The following GPD2 variants were observed in gnomAD, a reference collection of about 807,000 sequenced individuals.
GPD2 encodes glycerol-3-phosphate dehydrogenase, mitochondrial.
A neutral mutation model predicts 82.4 loss-of-function variants in GPD2; 54 were observed. That is an observed-to-expected ratio of 0.66 (90% CI 0.53 to 0.82). The LOEUF (loss-of-function observed/expected upper bound fraction) is 0.82. Ranked by LOEUF, GPD2 falls within the 40% of genes least tolerant of loss-of-function variation. The pLI is 0.00. For synonymous variants in GPD2, 288 were observed against 306.1 expected (o/e 0.94, Z 0.62); for missense variants, 748 against 896.2 (o/e 0.83, Z 2.11).
intron 2 of GPD2, among the ~76,000 whole-genome samples, chr2:156,485,159 C>T (rs1683893314): frequency 6.6e-6 from 1 of 152,166 alleles, no homozygotes; most frequent in South Asian, 2.1e-4. Flanking sequence ...CTTTATTCAT[C>T]CATCTGTTTA....
intron 6 of GPD2, among the ~76,000 whole-genome samples, chr2:156,529,711 CTTGT>C (rs2105303120): frequency 6.6e-6 from 1 of 150,936 alleles, no homozygotes; most frequent in South Asian, 2.1e-4. Flanking sequence ...TTCCCCATTG[CTTGT>C]TTTTCTCAGG....
intron 1 of GPD2, among the ~76,000 whole-genome samples, chr2:156,458,132 C>G (rs929889143): frequency 1.3e-5 from 2 of 152,132 alleles, no homozygotes; most frequent in African/African-American, 4.8e-5. Flanking sequence ...ATAGGAGTAG[C>G]TGTGTTCCTG....
intron 1 of GPD2, among the ~76,000 whole-genome samples, chr2:156,458,912 TC>T (rs1171247855): frequency 6.6e-6 from 1 of 152,144 alleles, no homozygotes; most frequent in Non-Finnish European, 1.5e-5. Context: ...ATACTACCAT[TC>T]AAAGATGAGA....
Position 156,582,862 on chromosome 2 carries a change from G to A in GPD2, c.2128G>A (p.Glu710Lys), listed in dbSNP as rs1451618331. 6.2e-7 allele frequency: 1 copy of A among 1,613,268 alleles called. No individual in the cohort carries two copies. Among genetic ancestry groups the A allele is most frequent in the East Asian group, 2.2e-5 (1 of 44,848 alleles). ...TGCTATACTAATGAAAACTGCAGAAGAGAACCTCGACAGAAGAGTTCCAAT... is the reference window on the plus strand; with the variant it reads ...TGCTATACTAATGAAAACTGCAGAAAAGAACCTCGACAGAAGAGTTCCAAT... ...RLAILMKTAE[E>K]NLDRRVPIPV... Residue 710 changes from glutamate to lysine, a missense_variant, in exon 17 of 17, where the codon GAG becomes AAG. Transcript: ENST00000438166.
chr2:156,580,117 TC>T (rs1687976992), intron 16 of GPD2, among the ~76,000 whole-genome samples: 1 of 152,206 alleles, frequency 6.6e-6, no homozygotes, highest in South Asian at 2.1e-4. Flanking sequence ...TGGACCTTTT[TC>T]TTTTGCTTAC....
rs114091557 is a variant in GPD2 at position 156,560,581 on chromosome 2, A to G, written c.1165+2999A>G. Reference sequence around the variant, plus strand: ...TTTCTACTTATAAACTTACTCTTCAAAAAATAGTTAACAGTGATTCTTTAT... The same window carrying G: ...TTTCTACTTATAAACTTACTCTTCAGAAAATAGTTAACAGTGATTCTTTAT... On this transcript the variant is annotated intron_variant, in intron 9 of 16. Coordinates refer to ENST00000438166, the MANE Select transcript of GPD2 (RefSeq NM_000408.5). Among the ~76,000 whole-genome samples the G allele has an allele frequency of 9.7e-3, 1,474 of 152,296 alleles. 26 individuals carry two copies. The highest frequency in any genetic ancestry group is 0.033 in the African/African-American group (1,377 of 41,560).
Position 156,476,179 on chromosome 2 carries a change from C to T in GPD2, c.74C>T (p.Ser25Phe), listed in dbSNP as rs1365013094. The T allele has an allele frequency of 1.2e-6, 2 of 1,601,530 alleles. No homozygotes were observed. The highest frequency in any genetic ancestry group is 2.2e-5 in the South Asian group (2 of 90,812). Reference sequence around the variant, plus strand: ...GCTCTTGCAACTGTTTTAGGACTTTCTCAGTTTGCTCATTACAGAAGGAAA... The same window carrying T: ...GCTCTTGCAACTGTTTTAGGACTTTTTCAGTTTGCTCATTACAGAAGGAAA... ...GGALATVLGL[S>F]QFAHYRRKQM... The change falls in exon 2 of 17, where the codon TCT (serine) becomes TTT (phenylalanine). Residue 25 changes from serine (S) to phenylalanine (F), a missense_variant. Ser to Phe is a radical substitution (Grantham distance 155, BLOSUM62 -2). This residue lies in a region of GPD2 where 692 missense variants were observed against 809.7 expected (regional missense o/e 0.85). Transcript: ENST00000438166.
At position 156,496,825 on chromosome 2, in the gene GPD2, T is replaced by C. The variant is rs557018943; in HGVS notation, c.274+610T>C. On this transcript the variant is annotated intron_variant, in intron 3 of 16. Transcript: ENST00000438166. ...AAATTTATTAAGCTGAAGTAATTTA[T>C]TAAAATAATTATCTTTGTTCATGTA... Among the ~76,000 whole-genome samples the C allele has an allele frequency of 3.3e-5, 5 of 151,022 alleles. No individual in the cohort carries two copies. In the South Asian group the frequency reaches 6.3e-4, roughly 19 times the overall value.
At chr2:156,447,840 C>A (rs1682421556) in intron 1 of GPD2, among the ~76,000 whole-genome samples, 1 of 152,126 alleles carries the variant, frequency 6.6e-6, no homozygotes, top group Non-Finnish European at 1.5e-5. Flanking sequence ...GTCTTTAGTT[C>A]ACTCTCTTTT....
At chr2:156,414,658 G>A in the GPD2 span, among the ~76,000 whole-genome samples, 1 of 152,106 alleles carries the variant, frequency 6.6e-6, no homozygotes, top group Non-Finnish European at 1.5e-5. Flanking sequence ...ATTAGTGAAT[G>A]TTATTAAAAA....
chr2:156,584,649 A>G lies in GPD2; in HGVS notation c.*1731A>G, dbSNP rs900417030. The stretch of plus-strand genomic sequence containing the variant: ...AACAGAGCAAGTGATGCTCCCAGGT[A>G]TCACTGTGAACTTTTTTCTTTCAAA... On this transcript the variant is annotated 3_prime_UTR_variant, in exon 17 of 17. Transcript: ENST00000438166. 6.6e-6 allele frequency: 1 copy of G among 152,494 alleles called. No homozygotes were observed. The highest frequency in any genetic ancestry group is 1.5e-5 in the Non-Finnish European group (1 of 67,966). The allele number at this position is 152,494 out of a possible 1,614,324, so 9.4% of individuals were successfully genotyped here. A position where few individuals can be genotyped will look rare whatever the true frequency, so the allele number is the denominator to read the frequency against.
intron 6 of GPD2, among the ~76,000 whole-genome samples, chr2:156,523,781 T>G (rs1352117892): frequency 6.6e-6 from 1 of 152,140 alleles, no homozygotes. Flanking sequence ...TGGGCTCAAG[T>G]GATCCTCCCA....
chr2:156,447,402 A>G (rs1682406382), intron 1 of GPD2, among the ~76,000 whole-genome samples: 1 of 151,910 alleles, frequency 6.6e-6, no homozygotes, highest in South Asian at 2.1e-4. Context: ...TAGCACAATC[A>G]TAGTTCATGG....
At chr2:156,570,276 CATTT>C (rs1184013255) in intron 12 of GPD2, 58 bp downstream of exon 12, 2 of 1,497,360 alleles carry the variant, frequency 1.3e-6, no homozygotes, top group East Asian at 4.5e-5. Context: ...TTTATCTGTT[CATTT>C]GTCATCTTTA....
At chr2:156,492,228 A>G (rs1436675317) in intron 2 of GPD2, among the ~76,000 whole-genome samples, 1 of 116,686 alleles carries the variant, frequency 8.6e-6, no homozygotes, top group Admixed American at 1.2e-4. Context: ...ATCTCGGCTC[A>G]CTGCAGCCTC....
At chr2:156,463,668 C>T (rs955077407) in intron 1 of GPD2, among the ~76,000 whole-genome samples, 4 of 152,160 alleles carry the variant, frequency 2.6e-5, no homozygotes, top group South Asian at 2.1e-4. Flanking sequence ...GAATTACAAG[C>T]GTGTCTTTCC....
At chr2:156,562,164 A>G (rs181150888) in intron 9 of GPD2, among the ~76,000 whole-genome samples, 7 of 152,338 alleles carry the variant, frequency 4.6e-5, no homozygotes, top group South Asian at 2.1e-4. Context: ...TGCTTTATCC[A>G]TGTAGTTTTT....
the GPD2 span, among the ~76,000 whole-genome samples, chr2:156,421,266 G>A: frequency 6.6e-6 from 1 of 152,148 alleles, no homozygotes; most frequent in African/African-American, 2.4e-5. Flanking sequence ...TCCCCAAACT[G>A]TTTTTACAGA....
At chr2:156,454,066 G>A (rs1260951122) in intron 1 of GPD2, among the ~76,000 whole-genome samples, 4 of 152,222 alleles carry the variant, frequency 2.6e-5, no homozygotes, top group East Asian at 3.9e-4. Flanking sequence ...TTTTGAAAGA[G>A]GATAGAAGAG....
Sources: gnomAD v4.1 joint callset for allele counts (sites outside exome capture counted in the v4.1 genomes callset) on GRCh38, gnomAD v4.1.1 for gene constraint, gnomAD v4.1.1 regional missense constraint, MANE v1.5 for transcripts, NCBI Gene and HGNC (gene_info 2026-07-23, HGNC 2026-07-21) for gene names.